Variants in AGL observed in about 807,000 individuals in gnomAD.
AGL encodes the protein amylo-alpha-1,6-glucosidase and 4-alpha-glucanotransferase, also known as glycogen debranching enzyme.
A neutral mutation model predicts 199.3 loss-of-function variants in AGL; 128 were observed. The observed-to-expected ratio is 0.64, with a 90% CI of 0.56 to 0.74. The LOEUF (loss-of-function observed/expected upper bound fraction) is 0.74, where lower values mean the gene tolerates loss of function less well. Ranked by LOEUF, AGL falls within the 30% of genes least tolerant of loss-of-function variation. The pLI, the probability that AGL is intolerant of heterozygous loss-of-function variation, is 0.00. For synonymous variants in AGL, 584 were observed against 594.7 expected (o/e 0.98, Z 0.26); for missense variants, 1,809 against 1,820.8 (o/e 0.99, Z 0.12).
chr1:99,878,080 T>C (rs1407985149), intron 12 of AGL, among the ~76,000 whole-genome samples: 1 of 152,244 alleles, frequency 6.6e-6, no homozygotes. Flanking sequence ...TGATCACGTT[T>C]CTGATAATAT....
At chr1:99,896,793 G>T (rs986586897) in intron 25 of AGL, among the ~76,000 whole-genome samples, 2 of 151,964 alleles carry the variant, frequency 1.3e-5, no homozygotes, top group Admixed American at 6.6e-5. Flanking sequence ...GACTTAAAAT[G>T]GTTTTTTTTG....
chr1:99,870,292 A>T, intron 5 of AGL, 108 bp from the exon 6 acceptor site: 1 of 1,208,800 alleles, frequency 8.3e-7, no homozygotes, highest in Non-Finnish European at 1.2e-6. Flanking sequence ...TCCAATATAG[A>T]AAAAAATGAG....
chr1:99,854,606 C>CA (rs958702741), intron 2 of AGL, among the ~76,000 whole-genome samples: 4 of 150,196 alleles, frequency 2.7e-5, no homozygotes, highest in African/African-American at 9.8e-5. Flanking sequence ...ACTAAAAATA[C>CA]AAAAAAAATT....
chr1:99,861,076 A>G (rs1649990695), intron 2 of AGL: 1 of 596,870 alleles, frequency 1.7e-6, no homozygotes, highest in Non-Finnish European at 2.2e-6. Context: ...AGACTATCAC[A>G]TACTTTCTGA....
At chr1:99,859,342 C>G (rs1399941428) in intron 2 of AGL, among the ~76,000 whole-genome samples, 1 of 145,844 alleles carries the variant, frequency 6.9e-6, no homozygotes, top group Non-Finnish European at 1.5e-5. Context: ...GTATAAAAAG[C>G]ATTTTTTCTG....
intron 25 of AGL, among the ~76,000 whole-genome samples, chr1:99,896,864 G>T (rs571410980): frequency 1.1e-4 from 16 of 152,274 alleles, no homozygotes; most frequent in Admixed American, 5.9e-4. Flanking sequence ...GGGCTGGAGT[G>T]CAGCGGCACA....
At chr1:99,853,909 G>A (rs947336898) in intron 2 of AGL, among the ~76,000 whole-genome samples, 3 of 148,808 alleles carry the variant, frequency 2.0e-5, no homozygotes, top group African/African-American at 7.5e-5. Context: ...AAAATAAAGG[G>A]CCGGGCGCAG....
intron 2 of AGL, among the ~76,000 whole-genome samples, chr1:99,856,215 A>G (rs931102401): frequency 6.6e-6 from 1 of 152,104 alleles, no homozygotes; most frequent in African/African-American, 2.4e-5. Context: ...GATTTGCATT[A>G]GAGGTCTACA....
intron 2 of AGL, among the ~76,000 whole-genome samples, chr1:99,853,090 T>A (rs1571209745): frequency 6.6e-6 from 1 of 152,338 alleles, no homozygotes. Flanking sequence ...TCCAAATATC[T>A]CTGATTGCCT....
In AGL at chr1:99,917,709, T is replaced by C. The variant is rs1473985394; in HGVS notation, c.4481+978T>C. ...GCTAATTAGATGTAATTCTTGTTTA[T>C]TTAAAATGGCTGCTTTAGGTTTATA... On this transcript the variant is annotated intron_variant, in intron 33 of 33. Transcript: ENST00000361915. Among the ~76,000 whole-genome samples, 3 of 152,212 alleles carry C rather than the reference T, an allele frequency of 2.0e-5. No homozygotes were observed. The East Asian group carries it at 5.8e-4, about 29-fold the overall frequency.
chr1:99,849,289 T>C (rs1648715786), upstream of AGL, among the ~76,000 whole-genome samples: 2 of 151,942 alleles, frequency 1.3e-5, no homozygotes. Context: ...GGACCTACAG[T>C]CATTCCACAA....
rs1190784231 is a variant in AGL, at chr1:99,861,711, A to G, written c.291A>G (p.Gln97=). ...QSGSFQYYFL[Q]GNEKSGGGYI... is the part of the protein sequence containing the mutation. Reference sequence around the variant, plus strand: ...GTTCATTTCAGTATTATTTCCTTCAAGGGTAAGTCAGGTGTTTTGTTTGTG... The same window carrying G: ...GTTCATTTCAGTATTATTTCCTTCAGGGGTAAGTCAGGTGTTTTGTTTGTG... The change falls in exon 3 of 34, where the codon CAA becomes CAG. Residue 97 remains glutamine (Q), a splice_region_variant and synonymous_variant. Transcript: ENST00000361915. 1.2e-6 allele frequency: 2 copies of G among 1,613,394 alleles called. No individual in the cohort carries two copies. The highest frequency in any genetic ancestry group is 1.7e-6 in the Non-Finnish European group (2 of 1,179,678).
chr1:99,912,648 AATTT>A (rs1654833103), intron 29 of AGL, 131 bp downstream of exon 29: 9 of 727,566 alleles, frequency 1.2e-5, no homozygotes. Flanking sequence ...AAAATTCATT[AATTT>A]ACTAGTGTGA....
At chr1:99,880,551 A>T in intron 13 of AGL, 81 bp from the exon 14 acceptor site, 3 of 1,465,236 alleles carry the variant, frequency 2.0e-6, no homozygotes, top group Non-Finnish European at 2.9e-6. Flanking sequence ...TTTATTTTGA[A>T]AATCATTTAT....
At chr1:99,910,667 T>TATA (rs1175723343) in intron 27 of AGL, 45 bp from the exon 28 acceptor site, 2 of 1,178,668 alleles carry the variant, frequency 1.7e-6, no homozygotes, top group Non-Finnish European at 2.4e-6. Flanking sequence ...ATATACTATA[T>TATA]ATAATACTTA....
rs528954940 is a variant in AGL, at chr1:99,897,184, A to G, written c.3362+796A>G. The stretch of plus-strand genomic sequence containing the variant: ...TATTGGAGGTCGAAAGGAAAGCACT[A>G]CAGCAGTGCCACTCAAAATGCATTC... On this transcript the variant is annotated intron_variant, in intron 25 of 33. Transcript: ENST00000361915. 4.9e-4 allele frequency among the ~76,000 whole-genome samples: 74 copies of G among 152,342 alleles called. 1 individual carries two copies. In the South Asian group the frequency reaches 5.6e-3, roughly 12 times the overall value.
Position 99,884,103 on chromosome 1 carries a change from T to A in AGL, c.2309-17T>A, listed in dbSNP as rs1331241865. 5.6e-6 allele frequency: 9 copies of A among 1,603,248 alleles called. 1 individual carries two copies. The South Asian group carries it at 7.7e-5, about 14-fold the overall frequency. ...TTCCATATGAAATTTTGTTAAAATG[T>A]TTTTATGTATTCCTAGGCAAAATTG... On this transcript the variant is annotated splice_polypyrimidine_tract_variant and intron_variant, in intron 17 of 33. Coordinates refer to ENST00000361915, the MANE Select transcript of AGL (RefSeq NM_000642.3).
intron 23 of AGL, 81 bp from the exon 24 acceptor site, chr1:99,892,351 T>C: frequency 1.6e-6 from 2 of 1,274,848 alleles, no homozygotes; most frequent in Non-Finnish European, 2.3e-6. Context: ...GAAAAATCAT[T>C]TGAAGGAAAG....
chr1:99,907,686 G>GTTTTTT (rs1238445536), intron 27 of AGL, among the ~76,000 whole-genome samples: 1 of 59,844 alleles, frequency 1.7e-5, no homozygotes, highest in African/African-American at 5.7e-5. Flanking sequence ...GTTTGTTTTT[G>GTTTTTT]TTTTTTGTTT....
Sources: gnomAD v4.1 joint callset for allele counts (sites outside exome capture counted in the v4.1 genomes callset) on GRCh38, gnomAD v4.1.1 for gene constraint, MANE v1.5 for transcripts, NCBI Gene and HGNC (gene_info 2026-07-23, HGNC 2026-07-21) for gene names.